The following ADAM2 variants were observed in gnomAD, a reference collection of about 807,000 sequenced individuals.
ADAM2 encodes the protein disintegrin and metalloproteinase domain-containing protein 2.
A neutral mutation model predicts 99.3 loss-of-function variants in ADAM2; 101 were observed. The ratio of observed to expected loss-of-function variants is 1.02; its 90% CI spans 0.87 to 1.20. ADAM2 has a LOEUF of 1.20. Ranked by LOEUF, ADAM2 falls within the 50% of genes most tolerant of loss-of-function variation. The pLI is 0.00. For synonymous variants in ADAM2, 323 were observed against 287.6 expected, an observed-to-expected ratio of 1.12 and a Z score of -1.25; for missense variants, 948 against 878.7, an observed-to-expected ratio of 1.08 and a Z score of -1.00.
chr8:39,760,727 AAAATAAAAAAAT>A (rs1265801764), intron 15 of ADAM2, among the ~76,000 whole-genome samples: 1 of 135,522 alleles, frequency 7.4e-6, no homozygotes, highest in Non-Finnish European at 1.5e-5. Flanking sequence ...TCAAAAAAAT[AAAATAAAAAAAT>A]AAAAAAAAAA....
intron 6 of ADAM2, among the ~76,000 whole-genome samples, chr8:39,818,677 C>T (rs2129587902): frequency 6.6e-6 from 1 of 151,982 alleles, no homozygotes; most frequent in African/African-American, 2.4e-5. Context: ...CATAAAAAGT[C>T]GTGGAGTTCA....
intron 7 of ADAM2, among the ~76,000 whole-genome samples, chr8:39,806,213 C>CCCAA (rs1224600755): frequency 6.6e-6 from 1 of 151,684 alleles, no homozygotes; most frequent in African/African-American, 2.4e-5. Flanking sequence ...GATATGCCAA[C>CCCAA]CCAAGGACAA....
intron 15 of ADAM2, 111 bp downstream of exon 15, chr8:39,761,065 T>A: frequency 1.8e-6 from 1 of 540,976 alleles, no homozygotes; most frequent in East Asian, 3.1e-5. Context: ...ATAAACATGG[T>A]CTTACTTTAT....
At chr8:39,831,174 G>A (rs993048370) in intron 3 of ADAM2, among the ~76,000 whole-genome samples, 1 of 152,168 alleles carries the variant, frequency 6.6e-6, no homozygotes, top group South Asian at 2.1e-4. Flanking sequence ...GACACCTGCT[G>A]TACAGAGACC....
At chr8:39,796,679 C>T (rs7387353) in intron 7 of ADAM2, among the ~76,000 whole-genome samples, 109,298 of 152,104 alleles carry the variant, frequency 0.72, 40,106 homozygotes, top group East Asian at 0.87. Context: ...GTGTTCCTAT[C>T]TCTCCACAGC....
chr8:39,767,107 TAAC>T (rs780716886), intron 13 of ADAM2, 43 bp downstream of exon 13: 2 of 1,597,340 alleles, frequency 1.3e-6, no homozygotes, highest in Admixed American at 1.7e-5. Context: ...ATAATAATGA[TAAC>T]TACTTATGTA....
intron 14 of ADAM2, among the ~76,000 whole-genome samples, chr8:39,763,847 CA>C (rs1273144144): frequency 3.3e-5 from 5 of 152,174 alleles, no homozygotes; most frequent in Non-Finnish European, 7.4e-5. Context: ...CCAACATCAC[CA>C]GTGCCTAAGG....
At chr8:39,832,299 T>C (rs1387145419) in intron 3 of ADAM2, among the ~76,000 whole-genome samples, 1 of 152,204 alleles carries the variant, frequency 6.6e-6, no homozygotes, top group East Asian at 1.9e-4. Context: ...GTTATCACCC[T>C]GAGTGTCTAT....
At chr8:39,820,237 A>G (rs1454756015) in intron 6 of ADAM2, among the ~76,000 whole-genome samples, 1 of 152,184 alleles carries the variant, frequency 6.6e-6, no homozygotes, top group African/African-American at 2.4e-5. Flanking sequence ...TTGAATTACC[A>G]TCTCAAGTGA....
intron 7 of ADAM2, among the ~76,000 whole-genome samples, chr8:39,804,244 TTTGATGAC>T (rs537988523): frequency 3.3e-4 from 50 of 152,296 alleles, no homozygotes; most frequent in African/African-American, 1.2e-3. Context: ...GAACAAATTA[TTTGATGAC>T]TTGGATTTAA....
intron 3 of ADAM2, among the ~76,000 whole-genome samples, chr8:39,826,818 G>A (rs1805425187): frequency 6.6e-6 from 1 of 152,018 alleles, no homozygotes; most frequent in Non-Finnish European, 1.5e-5. Context: ...GGAAATGCTT[G>A]ACATTGGTCT....
chr8:39,785,083 G>T (rs1803406299), intron 10 of ADAM2, among the ~76,000 whole-genome samples: 1 of 152,120 alleles, frequency 6.6e-6, no homozygotes, highest in African/African-American at 2.4e-5. Flanking sequence ...TTTTGCTTTT[G>T]TTGCAATTGT....
At chr8:39,751,018 A>C (rs1049598914) in intron 16 of ADAM2, among the ~76,000 whole-genome samples, 1 of 152,184 alleles carries the variant, frequency 6.6e-6, no homozygotes, top group South Asian at 2.1e-4. Context: ...ATAACACACT[A>C]ACTTTTAAAG....
At chr8:39,830,262 A>G (rs894543986) in intron 3 of ADAM2, among the ~76,000 whole-genome samples, 8 of 152,240 alleles carry the variant, frequency 5.3e-5, no homozygotes, top group Admixed American at 1.3e-4. Context: ...GAAATGACAG[A>G]TGAACAATAA....
chr8:39,826,596 G>A (rs748876291), intron 3 of ADAM2, among the ~76,000 whole-genome samples: 2 of 151,920 alleles, frequency 1.3e-5, no homozygotes, highest in African/African-American at 2.4e-5. Context: ...GGTGGTGGGC[G>A]CCTGTAGTCC....
chr8:39,786,481 T>C (rs574512603), intron 10 of ADAM2, among the ~76,000 whole-genome samples: 40 of 152,244 alleles, frequency 2.6e-4, no homozygotes, highest in African/African-American at 8.9e-4. Flanking sequence ...GGCAAAAATA[T>C]ATCAGTTTTG....
At chr8:39,764,231 C>A (rs984567974) in intron 14 of ADAM2, among the ~76,000 whole-genome samples, 2 of 152,094 alleles carry the variant, frequency 1.3e-5, no homozygotes, top group African/African-American at 4.8e-5. Context: ...CACAGCAAGA[C>A]CTCACCTCTA....
chr8:39,828,224 A>G (rs977648077), intron 3 of ADAM2, among the ~76,000 whole-genome samples: 1 of 151,896 alleles, frequency 6.6e-6, no homozygotes, highest in Non-Finnish European at 1.5e-5. Flanking sequence ...TTTATAAAAA[A>G]TAGTAATACT....
In ADAM2 at chr8:39,755,775, T is replaced by G. The variant is rs1462959024; in HGVS notation, c.1750A>C (p.Ser584Arg). Residue 584 changes from serine to arginine, a missense_variant, in exon 16 of 21, where the codon AGC (serine) becomes CGC (arginine). Physicochemically the swap from Ser to Arg is moderately radical, Grantham distance 110 (BLOSUM62 -1). Transcript: ENST00000265708. ...AVEFASDHADSQKMWIKDGTS... is the reference protein window; with the variant it reads ...AVEFASDHADRQKMWIKDGTS... ...CCATCTTTTATCCACATCTTTTGGC[T>G]GTCTGCATGATCACTGGCAAATTCC... The G allele has an allele frequency of 6.2e-7, 1 of 1,613,700 alleles. No homozygotes were observed. Among genetic ancestry groups the G allele is most frequent in the East Asian group, 2.2e-5 (1 of 44,876 alleles).
Sources: gnomAD v4.1 joint callset for allele counts (sites outside exome capture counted in the v4.1 genomes callset) on GRCh38, gnomAD v4.1.1 for gene constraint, MANE v1.5 for transcripts, NCBI Gene and HGNC (gene_info 2026-07-23, HGNC 2026-07-21) for gene names.